COL25A1: variants seen among roughly 807,000 people sequenced by gnomAD.
COL25A1 encodes the protein collagen type XXV alpha 1 chain.
COL25A1 carries 103 observed loss-of-function variants against 128.4 expected under a neutral mutation model. The ratio of observed to expected loss-of-function variants is 0.80; its 90% CI spans 0.68 to 0.94. COL25A1 has a LOEUF of 0.94. Among genes scored for constraint, COL25A1 ranks in the 40% least tolerant of loss-of-function variants. The probability of loss-of-function intolerance (pLI) is 0.00; values close to 1 mark genes in which losing one functional copy is unlikely to be tolerated. For synonymous variants in COL25A1, 279 were observed against 277.2 expected, an observed-to-expected ratio of 1.01 and a Z score of -0.06; for missense variants, 745 against 840.0, an observed-to-expected ratio of 0.89 and a Z score of 1.40.
intron 3 of COL25A1, among the ~76,000 whole-genome samples, chr4:109,198,474 G>A (rs1776302191): frequency 6.6e-6 from 1 of 152,128 alleles, no homozygotes; most frequent in Admixed American, 6.6e-5. Flanking sequence ...ATACTGTAGA[G>A]AAAGACTCCT....
At chr4:109,261,799 G>T (rs971379509) in intron 3 of COL25A1, among the ~76,000 whole-genome samples, 1 of 151,348 alleles carries the variant, frequency 6.6e-6, no homozygotes, top group Admixed American at 6.6e-5. Flanking sequence ...CCAGGTTCAC[G>T]CCATTCTCCT....
chr4:109,175,236 T>C (rs1338292495), intron 3 of COL25A1, among the ~76,000 whole-genome samples: 1 of 152,176 alleles, frequency 6.6e-6, no homozygotes, highest in East Asian at 1.9e-4. Flanking sequence ...GCCAAGGTCA[T>C]AAAAAATGAC....
intron 8 of COL25A1, among the ~76,000 whole-genome samples, chr4:108,958,404 T>C (rs1369620837): frequency 1.3e-5 from 2 of 152,072 alleles, no homozygotes; most frequent in African/African-American, 4.8e-5. Context: ...TAAATGAAAT[T>C]ATTTGGGTCC....
At chr4:109,198,328 A>ACACT in intron 3 of COL25A1, among the ~76,000 whole-genome samples, 1 of 151,424 alleles carries the variant, frequency 6.6e-6, no homozygotes, top group South Asian at 2.1e-4. Context: ...ACACACACAC[A>ACACT]CTGATATGTA....
intron 3 of COL25A1, among the ~76,000 whole-genome samples, chr4:109,112,484 T>A (rs1489407563): frequency 2.8e-5 from 4 of 143,062 alleles, no homozygotes; most frequent in Non-Finnish European, 6.3e-5. Context: ...TTAAAATATA[T>A]GATTTTATAA....
chr4:108,880,752 T>C (rs915504941), intron 19 of COL25A1, among the ~76,000 whole-genome samples: 4 of 152,186 alleles, frequency 2.6e-5, no homozygotes, highest in Admixed American at 6.5e-5. Flanking sequence ...ACATTGGTGG[T>C]CTGTTATGAA....
At chr4:109,094,779 A>G (rs912741072) in intron 3 of COL25A1, among the ~76,000 whole-genome samples, 1 of 152,204 alleles carries the variant, frequency 6.6e-6, no homozygotes, top group East Asian at 1.9e-4. Flanking sequence ...TAGTTTGCAA[A>G]TGTTCTCCCC....
chr4:109,270,297 A>G (rs1282936483), intron 3 of COL25A1, among the ~76,000 whole-genome samples: 2 of 152,184 alleles, frequency 1.3e-5, no homozygotes, highest in Admixed American at 6.5e-5. Context: ...TTTGCAGATG[A>G]CATGACTGTA....
intron 8 of COL25A1, among the ~76,000 whole-genome samples, chr4:108,969,192 C>G (rs1369989474): frequency 6.6e-6 from 1 of 152,148 alleles, no homozygotes; most frequent in Non-Finnish European, 1.5e-5. Context: ...GATTGGATGA[C>G]CTAAGTTCCC....
intron 8 of COL25A1, among the ~76,000 whole-genome samples, chr4:108,969,153 T>C (rs1440788374): frequency 6.6e-6 from 1 of 152,142 alleles, no homozygotes; most frequent in Admixed American, 6.5e-5. Flanking sequence ...TACTCAGGTG[T>C]TTGCTTGGCA....
intron 5 of COL25A1, among the ~76,000 whole-genome samples, chr4:109,016,310 A>T (rs1407078088): frequency 6.6e-6 from 1 of 152,242 alleles, no homozygotes; most frequent in African/African-American, 2.4e-5. Flanking sequence ...TTAAGTGCCA[A>T]TGAGCAAAGA....
At chr4:108,943,824 C>CA (rs200181154) in intron 8 of COL25A1, among the ~76,000 whole-genome samples, 37,541 of 137,092 alleles carry the variant, frequency 0.27, 5,318 homozygotes, top group African/African-American at 0.36. Context: ...TCCTTTTTTT[C>CA]AAAAAAAAAA....
intron 3 of COL25A1, among the ~76,000 whole-genome samples, chr4:109,265,448 TTAAAC>T (rs1428066755): frequency 1.3e-5 from 2 of 152,038 alleles, no homozygotes; most frequent in Non-Finnish European, 2.9e-5. Flanking sequence ...ACTTTTTCCA[TTAAAC>T]TAAAGTTATA....
At chr4:108,934,539 G>A (rs992116726) in intron 11 of COL25A1, among the ~76,000 whole-genome samples, 1 of 152,052 alleles carries the variant, frequency 6.6e-6, no homozygotes, top group East Asian at 1.9e-4. Context: ...GAAAATTGCA[G>A]TTATATTTCT....
chr4:108,931,791 C>A (rs1265186568), intron 11 of COL25A1, among the ~76,000 whole-genome samples: 2 of 152,150 alleles, frequency 1.3e-5, no homozygotes, highest in Non-Finnish European at 2.9e-5. Context: ...TCTACTTTTT[C>A]TGGTCCCTTT....
In COL25A1 at chr4:109,016,451, G is replaced by A. The variant is rs369009571; in HGVS notation, c.421-6076C>T. 8.5e-5 allele frequency among the ~76,000 whole-genome samples: 13 copies of A among 152,338 alleles called. No individual in the cohort carries two copies. The East Asian group carries it at 1.2e-3, about 14-fold the overall frequency. The stretch of plus-strand genomic sequence containing the variant: ...GACAGATTCCTAGGCGGAAAGGGGC[G>A]GGTCCCTGGTGAAACCCCTCCTTCA... On this transcript the variant is annotated intron_variant, in intron 5 of 37. Coordinates refer to ENST00000399132, the MANE Select transcript of COL25A1 (RefSeq NM_198721.4).
chr4:108,895,678 G>A (rs572456393), intron 16 of COL25A1, among the ~76,000 whole-genome samples: 61 of 152,296 alleles, frequency 4.0e-4, no homozygotes, highest in African/African-American at 1.3e-3. Flanking sequence ...CTGCATTAGA[G>A]TGTCTAATCA....
At chr4:109,083,448 A>AAATTT (rs377354398) in intron 3 of COL25A1, among the ~76,000 whole-genome samples, 105 of 77,068 alleles carry the variant, frequency 1.4e-3, no homozygotes, top group African/African-American at 2.7e-3. Context: ...CACTAAATAA[A>AAATTT]TTTTTTTTTT....
In COL25A1 at chr4:108,884,199, A is replaced by T; in HGVS notation, c.999T>A (p.Leu333=). ...TTACCTTTATCCCCGGAAGTCCAGGAAGCCCAGGAAGCCCTGGTTCACCCT... is the reference window on the plus strand; with the variant it reads ...TTACCTTTATCCCCGGAAGTCCAGGTAGCCCAGGAAGCCCTGGTTCACCCT... The part of the protein sequence containing the change: ...GQKGEPGLPG[L]PGLPGIKGEP... The change falls in exon 19 of 38, where the codon CTT becomes CTA. Residue 333 remains leucine (L), a synonymous_variant. Transcript: ENST00000399132. 6.2e-7 allele frequency: 1 copy of T among 1,613,854 alleles called. No individual in the cohort carries two copies. Among genetic ancestry groups the T allele is most frequent in the Non-Finnish European group, 8.5e-7 (1 of 1,179,808 alleles).
Sources: gnomAD v4.1 joint callset for allele counts (sites outside exome capture counted in the v4.1 genomes callset) on GRCh38, gnomAD v4.1.1 for gene constraint, MANE v1.5 for transcripts, NCBI Gene and HGNC (gene_info 2026-07-23, HGNC 2026-07-21) for gene names.